Variants in MITF observed in about 807,000 individuals in gnomAD.
MITF encodes the protein microphthalmia-associated transcription factor.
MITF carries 17 observed loss-of-function variants against 60.5 expected under a neutral mutation model. The observed-to-expected ratio is 0.28, with a 90% CI of 0.19 to 0.42. The LOEUF (loss-of-function observed/expected upper bound fraction) is 0.42. Ranked by LOEUF, MITF falls within the 10% of genes least tolerant of loss-of-function variation. The pLI is 1.00. For missense variants in MITF, 622 were observed against 683.5 expected, an observed-to-expected ratio of 0.91 and a Z score of 1.00; for synonymous variants, 260 against 248.5, an observed-to-expected ratio of 1.05 and a Z score of -0.43.
chr3:69,936,052 G>A (rs1001992590), intron 2 of MITF, among the ~76,000 whole-genome samples: 91 of 152,080 alleles, frequency 6.0e-4, no homozygotes, highest in African/African-American at 1.9e-3. Flanking sequence ...GATAGTGCCC[G>A]GTCTTCCTGA....
intron 2 of MITF, among the ~76,000 whole-genome samples, chr3:69,912,056 G>A (rs2065236234): frequency 6.6e-6 from 1 of 152,198 alleles, no homozygotes; most frequent in African/African-American, 2.4e-5. Flanking sequence ...ATAAAGGAGA[G>A]AAAATAAATG....
chr3:69,938,698 C>T (rs1191288435), intron 3 of MITF: 4 of 1,300,972 alleles, frequency 3.1e-6, no homozygotes, highest in Non-Finnish European at 2.9e-6. Flanking sequence ...AAATTTGCAG[C>T]ATACAAATAC....
chr3:69,967,855 G>A lies in MITF; in HGVS notation c.*2607G>A, dbSNP rs573107934. On this transcript the variant is annotated 3_prime_UTR_variant, in exon 10 of 10. Transcript: ENST00000352241. ...ATTCCCGGGTGCAGAATTGTAACTCGGGGTTGGGCCTCTATATGGAGTGAC... is the reference window on the plus strand; with the variant it reads ...ATTCCCGGGTGCAGAATTGTAACTCAGGGTTGGGCCTCTATATGGAGTGAC... 1.3e-5 allele frequency: 3 copies of A among 233,212 alleles called. No individual in the cohort carries two copies. Among genetic ancestry groups the A allele is most frequent in the South Asian group, 1.8e-4 (1 of 5,518 alleles). 14.4% of individuals were successfully genotyped at this position (233,212 alleles called of 1,614,324 possible). A position where few individuals can be genotyped will look rare whatever the true frequency, so the allele number is the denominator to read the frequency against.
intron 1 of MITF, among the ~76,000 whole-genome samples, chr3:69,751,138 T>G (rs1703921132): frequency 6.6e-6 from 1 of 152,166 alleles, no homozygotes; most frequent in Non-Finnish European, 1.5e-5. Context: ...GACTGAAAGA[T>G]TTGGTTGAGA....
intron 1 of MITF, among the ~76,000 whole-genome samples, chr3:69,854,672 A>G (rs572269891): frequency 4.6e-5 from 7 of 152,294 alleles, no homozygotes; most frequent in East Asian, 1.9e-4. Context: ...GAGTTTTCCA[A>G]TCTGGGCAAT....
chr3:69,939,525 T>G (rs1422978438), intron 4 of MITF, among the ~76,000 whole-genome samples: 1 of 152,020 alleles, frequency 6.6e-6, no homozygotes, highest in Non-Finnish European at 1.5e-5. Flanking sequence ...AAAACCAAGA[T>G]GTGTGTGTAT....
chr3:69,907,858 A>G (rs961230796), intron 2 of MITF, among the ~76,000 whole-genome samples: 1 of 152,216 alleles, frequency 6.6e-6, no homozygotes. Flanking sequence ...CAAGAAAATC[A>G]TATTCTGCTG....
rs1015742097 is a variant in MITF, at chr3:69,968,238, G to T, written c.*2990G>T. The T allele has an allele frequency of 4.3e-6, 1 of 232,280 alleles. No individual in the cohort carries two copies. Among genetic ancestry groups the T allele is most frequent in the Middle Eastern group, 1.2e-3 (1 of 806 alleles). 14.4% of individuals were successfully genotyped at this position (232,280 alleles called of 1,614,324 possible). A position where few individuals can be genotyped will look rare whatever the true frequency, so the allele number is the denominator to read the frequency against. On this transcript the variant is annotated 3_prime_UTR_variant, in exon 10 of 10. Coordinates refer to ENST00000352241, the MANE Select transcript of MITF (RefSeq NM_001354604.2). ...TTGGATGCAGCAATAATTTCTGTATGGTCCATAGCACTGTATATTATGGAT... is the reference window on the plus strand; with the variant it reads ...TTGGATGCAGCAATAATTTCTGTATTGTCCATAGCACTGTATATTATGGAT...
At chr3:69,822,086 T>C (rs1342875012) in intron 1 of MITF, among the ~76,000 whole-genome samples, 2 of 152,242 alleles carry the variant, frequency 1.3e-5, no homozygotes, top group East Asian at 3.9e-4. Flanking sequence ...AGAAATATTT[T>C]GCTCTTATCT....
chr3:69,750,811 T>G (rs1703910736), intron 1 of MITF, among the ~76,000 whole-genome samples: 1 of 152,118 alleles, frequency 6.6e-6, no homozygotes, highest in Non-Finnish European at 1.5e-5. Context: ...TGGGGGTGAT[T>G]TGCTCAATGA....
intron 2 of MITF, among the ~76,000 whole-genome samples, chr3:69,931,401 A>G (rs1367263261): frequency 1.3e-5 from 2 of 152,140 alleles, no homozygotes; most frequent in African/African-American, 4.8e-5. Flanking sequence ...TTTTCTTATG[A>G]TAACACCTTT....
rs147890303 is a variant in MITF at position 69,786,818 on chromosome 3, C to T, written c.104+47117C>T. Among the ~76,000 whole-genome samples, 31 of 152,190 alleles carry T rather than the reference C, an allele frequency of 2.0e-4. 1 individual carries two copies. The East Asian group carries it at 4.6e-3, about 23-fold the overall frequency. ...AAAAATCCATTCAGTTGGAAATGAC[C>T]GAAAGTCCAACTACAGCAACAAAGG... On this transcript the variant is annotated intron_variant, in intron 1 of 9. Coordinates refer to ENST00000352241, the MANE Select transcript of MITF (RefSeq NM_001354604.2).
chr3:69,788,143 TA>T (rs2062681532), intron 1 of MITF, among the ~76,000 whole-genome samples: 1 of 151,774 alleles, frequency 6.6e-6, no homozygotes, highest in Non-Finnish European at 1.5e-5. Context: ...TTTTTTTTTT[TA>T]ATTATTATAC....
At chr3:69,954,415 A>G (rs2066346381) in intron 7 of MITF, among the ~76,000 whole-genome samples, 1 of 152,154 alleles carries the variant, frequency 6.6e-6, no homozygotes, top group Non-Finnish European at 1.5e-5. Flanking sequence ...CAGCATGGAC[A>G]TGGGAGGTAG....
intron 1 of MITF, among the ~76,000 whole-genome samples, chr3:69,742,371 G>A (rs1703557710): frequency 1.3e-5 from 2 of 152,150 alleles, no homozygotes; most frequent in African/African-American, 4.8e-5. Context: ...TGTTAGTAGT[G>A]CTGAGGTCAA....
At chr3:69,873,488 T>A (rs1014189488) in intron 1 of MITF, among the ~76,000 whole-genome samples, 3 of 152,222 alleles carry the variant, frequency 2.0e-5, no homozygotes, top group African/African-American at 7.2e-5. Flanking sequence ...ATTCAACCTA[T>A]CAGTTCCTTT....
At chr3:69,880,243 A>G (rs1344702095) in intron 2 of MITF, among the ~76,000 whole-genome samples, 1 of 152,122 alleles carries the variant, frequency 6.6e-6, no homozygotes, top group Non-Finnish European at 1.5e-5. Flanking sequence ...GTGATTCATT[A>G]TTGGTTTTTG....
chr3:69,814,151 A>G (rs2063144208), intron 1 of MITF, among the ~76,000 whole-genome samples: 2 of 151,998 alleles, frequency 1.3e-5, no homozygotes, highest in South Asian at 4.2e-4. Context: ...ACTCTCTGCC[A>G]CTGCGGTATT....
intron 6 of MITF, among the ~76,000 whole-genome samples, chr3:69,950,986 T>C (rs1465988290): frequency 6.6e-6 from 1 of 152,094 alleles, no homozygotes; most frequent in Non-Finnish European, 1.5e-5. Flanking sequence ...TATTAGATGA[T>C]TTCATTACAG....
Sources: allele counts gnomAD v4.1 joint callset (sites outside exome capture counted in the v4.1 genomes callset), GRCh38; gene constraint gnomAD v4.1.1; transcripts MANE v1.5; gene names NCBI Gene and HGNC (gene_info 2026-07-23, HGNC 2026-07-21).